Variants in WSCD2 observed in about 807,000 individuals in gnomAD.
The protein encoded by WSCD2 is WSC domain sialate O sulfotransferase 2.
A neutral mutation model predicts 55.7 loss-of-function variants in WSCD2; 28 were observed. The ratio of observed to expected loss-of-function variants is 0.50; its 90% CI spans 0.37 to 0.69. WSCD2 has a LOEUF of 0.69. WSCD2 is among the 30% of genes least tolerant of loss of function. WSCD2 has a pLI of 0.00. For synonymous variants in WSCD2, 301 were observed against 301.9 expected, an observed-to-expected ratio of 1.00 and a Z score of 0.03; for missense variants, 616 against 762.1, an observed-to-expected ratio of 0.81 and a Z score of 2.26.
At chr12:108,158,550 G>A (rs1304169336) in intron 1 of WSCD2, among the ~76,000 whole-genome samples, 1 of 152,134 alleles carries the variant, frequency 6.6e-6, no homozygotes, top group Non-Finnish European at 1.5e-5. Flanking sequence ...CCCAAAACTT[G>A]CCCCTTAGGT....
In WSCD2 at chr12:108,229,548, G is replaced by T. The variant is rs1232281953; in HGVS notation, c.979+2384G>T. Among the ~76,000 whole-genome samples, 3 of 152,272 alleles carry T rather than the reference G, an allele frequency of 2.0e-5. No individual in the cohort carries two copies. The South Asian group carries it at 6.2e-4, about 32-fold the overall frequency. ...TAATTGTGTAAGGTTTATTAGCCCT[G>T]TTTTATAGGTGAGGAAACTGAGGCT... On this transcript the variant is annotated intron_variant, in intron 6 of 8. Transcript: ENST00000547525.
At chr12:108,240,281 G>C in intron 7 of WSCD2, 63 bp from the exon 8 acceptor site, 1 of 1,596,346 alleles carries the variant, frequency 6.3e-7, no homozygotes, top group Non-Finnish European at 8.6e-7. Flanking sequence ...CCAGAAGAGA[G>C]TGGGGTGGGC....
chr12:108,179,628 G>C (rs1458558241), intron 1 of WSCD2, among the ~76,000 whole-genome samples: 1 of 152,222 alleles, frequency 6.6e-6, no homozygotes, highest in Non-Finnish European at 1.5e-5. Flanking sequence ...TTGGCAATGA[G>C]CTAGCCATAG....
At chr12:108,179,209 G>A (rs1881325522) in intron 1 of WSCD2, among the ~76,000 whole-genome samples, 1 of 151,422 alleles carries the variant, frequency 6.6e-6, no homozygotes, top group African/African-American at 2.4e-5. Context: ...TGTTAGAAAT[G>A]CACGTTTTCA....
chr12:108,247,766 A>G (rs1234837406), intron 8 of WSCD2, among the ~76,000 whole-genome samples: 2 of 152,198 alleles, frequency 1.3e-5, no homozygotes, highest in Non-Finnish European at 2.9e-5. Flanking sequence ...TATGTTGCCC[A>G]GGCTGGTCTT....
At chr12:108,225,094 T>C (rs1176372787) in intron 5 of WSCD2, among the ~76,000 whole-genome samples, 1 of 152,190 alleles carries the variant, frequency 6.6e-6, no homozygotes, top group Non-Finnish European at 1.5e-5. Context: ...TGACGAATAC[T>C]TAGGAATGAG....
intron 1 of WSCD2, among the ~76,000 whole-genome samples, chr12:108,193,193 G>T (rs1239243728): frequency 2.6e-5 from 4 of 152,192 alleles, no homozygotes; most frequent in Non-Finnish European, 5.9e-5. Flanking sequence ...GTAGAAGAAT[G>T]TCTGGCATGT....
intron 1 of WSCD2, among the ~76,000 whole-genome samples, chr12:108,156,608 G>T (rs1227763815): frequency 6.6e-6 from 1 of 152,150 alleles, no homozygotes; most frequent in African/African-American, 2.4e-5. Flanking sequence ...TTCTGCTAAG[G>T]TGGACAGGTG....
In WSCD2 at chr12:108,210,400, T is replaced by A; in HGVS notation, c.682+95T>A. On this transcript the variant is annotated intron_variant, in intron 4 of 8. Coordinates refer to ENST00000547525, the MANE Select transcript of WSCD2 (RefSeq NM_014653.4). The surrounding 1 kb of genome is among the most constrained non-coding windows in gnomAD (Gnocchi z 4.3). ...CCACATGTCTGCCCTGTACCCTCCA[T>A]GGCTCCCCATCACTCCAAGGCCACC... 7.0e-7 allele frequency: 1 copy of A among 1,436,474 alleles called. No individual in the cohort carries two copies. The highest frequency in any genetic ancestry group is 9.3e-7 in the Non-Finnish European group (1 of 1,080,030). The allele number at this position is 1,436,474 out of a possible 1,614,324, so 89.0% of individuals were successfully genotyped here.
At chr12:108,203,817 G>A (rs1332398796) in intron 2 of WSCD2, among the ~76,000 whole-genome samples, 1 of 152,198 alleles carries the variant, frequency 6.6e-6, no homozygotes, top group Non-Finnish European at 1.5e-5. Context: ...TCTGCAGCAT[G>A]AGCATTCCTC....
chr12:108,166,746 TTC>T (rs1879653229), intron 1 of WSCD2, among the ~76,000 whole-genome samples: 1 of 46,780 alleles, frequency 2.1e-5, no homozygotes, highest in East Asian at 1.3e-3. Flanking sequence ...CTTTCTTTCC[TTC>T]TTTCTTTCTT....
chr12:108,195,919 T>G lies in WSCD2; in HGVS notation c.87T>G (p.Ala29=). The change falls in exon 2 of 9, where the codon GCT becomes GCG. Residue 29 remains alanine, a synonymous_variant. Coordinates refer to ENST00000547525, the MANE Select transcript of WSCD2 (RefSeq NM_014653.4). ...CCTTCCTGGCACTCTACCTGACTGC[T>G]GGGAGCCTTGTCTTCCTTCACTCTG... ...FFTFLALYLT[A]GSLVFLHSGF... The G allele has an allele frequency of 6.2e-7, 1 of 1,614,160 alleles. No individual in the cohort carries two copies. Among genetic ancestry groups the G allele is most frequent in the Non-Finnish European group, 8.5e-7 (1 of 1,180,036 alleles).
intron 1 of WSCD2, among the ~76,000 whole-genome samples, chr12:108,148,243 A>T (rs1384793624): frequency 6.6e-6 from 1 of 152,226 alleles, no homozygotes; most frequent in Non-Finnish European, 1.5e-5. Flanking sequence ...TCATCTCCAG[A>T]CATTTGCCGA....
At chr12:108,237,137 A>G (rs1889335552) in intron 7 of WSCD2, among the ~76,000 whole-genome samples, 1 of 152,214 alleles carries the variant, frequency 6.6e-6, no homozygotes, top group Admixed American at 6.5e-5. Context: ...CCTGGAGCCA[A>G]GATGGGACTT....
At chr12:108,182,302 T>A (rs1881881244) in intron 1 of WSCD2, among the ~76,000 whole-genome samples, 2 of 152,140 alleles carry the variant, frequency 1.3e-5, no homozygotes, top group Admixed American at 6.5e-5. Flanking sequence ...AATTCATGGG[T>A]GCATCTTTCA....
chr12:108,151,769 C>T (rs1878029627), intron 1 of WSCD2, among the ~76,000 whole-genome samples: 1 of 152,248 alleles, frequency 6.6e-6, no homozygotes, highest in Non-Finnish European at 1.5e-5. Flanking sequence ...TTCCCTCTCT[C>T]TCACCTCTGA....
intron 2 of WSCD2, among the ~76,000 whole-genome samples, chr12:108,200,344 CCAA>C (rs1488289120): frequency 6.6e-6 from 1 of 152,192 alleles, no homozygotes; most frequent in African/African-American, 2.4e-5. Flanking sequence ...AATTATTTGC[CCAA>C]CATCACACAG....
chr12:108,234,955 G>A lies in WSCD2; in HGVS notation c.1144+2060G>A, dbSNP rs185339010. Among the ~76,000 whole-genome samples, 11 of 152,204 alleles carry A rather than the reference G, an allele frequency of 7.2e-5. No homozygotes were observed. The East Asian group carries it at 1.5e-3, about 21-fold the overall frequency. On this transcript the variant is annotated intron_variant, in intron 7 of 8. Transcript: ENST00000547525. ...CAAAATGCCTTAATCTAGTAGTGAC[G>A]CCTGTTGAAAGTAGAGAATGGGGAA...
At chr12:108,135,185 C>G (rs1390697053) in intron 1 of WSCD2, among the ~76,000 whole-genome samples, 1 of 152,192 alleles carries the variant, frequency 6.6e-6, no homozygotes, top group Non-Finnish European at 1.5e-5. Flanking sequence ...TGCATCCATT[C>G]AAGTATTCAT....
Sources: gnomAD v4.1 joint callset for allele counts (sites outside exome capture counted in the v4.1 genomes callset) on GRCh38, gnomAD v4.1.1 for gene constraint, Gnocchi (gnomAD v3.1) non-coding constraint, MANE v1.5 for transcripts, NCBI Gene and HGNC (gene_info 2026-07-23, HGNC 2026-07-21) for gene names.